The following GPC5 variants were observed in gnomAD, a reference collection of about 807,000 sequenced individuals.
The protein encoded by GPC5 is glypican-5.
GPC5 carries 47 observed loss-of-function variants against 53.9 expected under a neutral mutation model. The ratio of observed to expected loss-of-function variants is 0.87; its 90% confidence interval spans 0.69 to 1.11. The LOEUF is 1.11. GPC5 is among the 50% of genes most tolerant of loss of function. The probability of loss-of-function intolerance (pLI) is 0.00; values close to 1 mark genes in which losing one functional copy is unlikely to be tolerated. For missense variants in GPC5, 748 were observed against 713.1 expected (o/e 1.05, Z -0.56); for synonymous variants, 286 against 263.3 (o/e 1.09, Z -0.84).
chr13:91,919,577 A>G (rs2039691237), intron 6 of GPC5, among the ~76,000 whole-genome samples: 1 of 152,214 alleles, frequency 6.6e-6, no homozygotes, highest in Non-Finnish European at 1.5e-5. Flanking sequence ...TTATATTCAC[A>G]GAAGTTTACT....
intron 7 of GPC5, among the ~76,000 whole-genome samples, chr13:92,372,995 G>A (rs1404029847): frequency 3.3e-5 from 5 of 152,120 alleles, no homozygotes; most frequent in Non-Finnish European, 5.9e-5. Flanking sequence ...GGGATTATTT[G>A]GAAGCAGAAT....
chr13:91,698,960 C>T (rs1374890508), intron 3 of GPC5, among the ~76,000 whole-genome samples: 1 of 152,204 alleles, frequency 6.6e-6, no homozygotes, highest in African/African-American at 2.4e-5. Flanking sequence ...CATATAATTT[C>T]AGTGACTTTA....
intron 7 of GPC5, among the ~76,000 whole-genome samples, chr13:92,609,462 A>C (rs1200075799): frequency 1.3e-5 from 2 of 152,214 alleles, no homozygotes; most frequent in Non-Finnish European, 2.9e-5. Context: ...ATGGCCAGAT[A>C]GTTTACTTCA....
At chr13:91,806,391 A>AT (rs1455614363) in intron 5 of GPC5, among the ~76,000 whole-genome samples, 1 of 151,256 alleles carries the variant, frequency 6.6e-6, no homozygotes, top group Admixed American at 6.6e-5. Flanking sequence ...AGCAGAATTT[A>AT]TTTTTTAATT....
chr13:91,947,683 T>A (rs1836939110), intron 6 of GPC5, among the ~76,000 whole-genome samples: 1 of 90,346 alleles, frequency 1.1e-5, no homozygotes, highest in Non-Finnish European at 2.9e-5. Flanking sequence ...ACATTCAGTC[T>A]TTTGAAGAAT....
At chr13:92,583,857 T>C (rs945727112) in intron 7 of GPC5, among the ~76,000 whole-genome samples, 13 of 152,254 alleles carry the variant, frequency 8.5e-5, no homozygotes, top group Admixed American at 2.0e-4. Flanking sequence ...GTTCTCATGA[T>C]AGTAAGTCTC....
intron 6 of GPC5, among the ~76,000 whole-genome samples, chr13:92,123,719 A>G (rs764751054): frequency 2.0e-5 from 3 of 152,238 alleles, no homozygotes; most frequent in Non-Finnish European, 4.4e-5. Flanking sequence ...TGTAGTGACA[A>G]AATTTATGAA....
intron 7 of GPC5, among the ~76,000 whole-genome samples, chr13:92,242,162 G>T (rs2042617381): frequency 6.6e-6 from 1 of 151,572 alleles, no homozygotes; most frequent in African/African-American, 2.4e-5. Flanking sequence ...GAACCCAGGA[G>T]GCGGAGGTTG....
At chr13:92,808,339 G>C (rs1877177419) in intron 7 of GPC5, among the ~76,000 whole-genome samples, 1 of 152,074 alleles carries the variant, frequency 6.6e-6, no homozygotes, top group Non-Finnish European at 1.5e-5. Flanking sequence ...TAGTTTGATA[G>C]ATTCTTTAGT....
intron 2 of GPC5, among the ~76,000 whole-genome samples, chr13:91,573,291 T>A (rs950704184): frequency 1.3e-5 from 2 of 152,208 alleles, no homozygotes; most frequent in Non-Finnish European, 2.9e-5. Flanking sequence ...CACATTTGCC[T>A]GGGTCACATT....
intron 6 of GPC5, among the ~76,000 whole-genome samples, chr13:92,062,285 T>C (rs2041130787): frequency 6.6e-6 from 1 of 151,974 alleles, no homozygotes; most frequent in South Asian, 2.1e-4. Context: ...TAATATACTT[T>C]ATATAAATTA....
intron 5 of GPC5, among the ~76,000 whole-genome samples, chr13:91,791,503 G>A (rs1191001290): frequency 8.5e-5 from 13 of 152,132 alleles, no homozygotes; most frequent in Non-Finnish European, 2.9e-5. Flanking sequence ...GGAAATGAAA[G>A]TATGAGATCT....
At chr13:92,610,127 G>T (rs1884388518) in intron 7 of GPC5, among the ~76,000 whole-genome samples, 1 of 150,628 alleles carries the variant, frequency 6.6e-6, no homozygotes. Context: ...TTTAAAAAGA[G>T]AGATTTCTAT....
At chr13:92,102,666 G>A (rs2041476639) in intron 6 of GPC5, among the ~76,000 whole-genome samples, 1 of 152,214 alleles carries the variant, frequency 6.6e-6, no homozygotes, top group Middle Eastern at 3.4e-3. Context: ...ACAGTGGGAA[G>A]GATTCATTTA....
intron 2 of GPC5, among the ~76,000 whole-genome samples, chr13:91,594,426 C>G (rs1258686448): frequency 6.6e-6 from 1 of 152,086 alleles, no homozygotes; most frequent in Admixed American, 6.5e-5. Context: ...ACAGAATTGT[C>G]AATGTAAATG....
At chr13:92,647,527 A>C (rs1000870012) in intron 7 of GPC5, among the ~76,000 whole-genome samples, 10 of 152,142 alleles carry the variant, frequency 6.6e-5, no homozygotes, top group Non-Finnish European at 1.2e-4. Context: ...TGAAGACATG[A>C]CAAGGAATCT....
chr13:91,460,702 CTT>C (rs967906497), intron 2 of GPC5, among the ~76,000 whole-genome samples: 2 of 151,332 alleles, frequency 1.3e-5, no homozygotes, highest in South Asian at 2.1e-4. Flanking sequence ...GGCATAATAA[CTT>C]ATTGTAAACT....
chr13:91,531,902 T>C (rs767961650), intron 2 of GPC5, among the ~76,000 whole-genome samples: 1 of 152,168 alleles, frequency 6.6e-6, no homozygotes, highest in Non-Finnish European at 1.5e-5. Flanking sequence ...TTTCCATGAG[T>C]CTCTTAGATC....
At chr13:92,727,063 A>G (rs953623395) in intron 7 of GPC5, among the ~76,000 whole-genome samples, 2 of 151,494 alleles carry the variant, frequency 1.3e-5, no homozygotes, top group Non-Finnish European at 3.0e-5. Flanking sequence ...ATAGCAGTAA[A>G]CAAAAGGCAT....
Sources: allele counts gnomAD v4.1 joint callset (sites outside exome capture counted in the v4.1 genomes callset), GRCh38; gene constraint gnomAD v4.1.1; transcripts MANE v1.5; gene names NCBI Gene and HGNC (gene_info 2026-07-23, HGNC 2026-07-21).